RBM18: variants seen among roughly 807,000 people sequenced by gnomAD.
RBM18 encodes RNA binding motif protein 18.
In RBM18, 18 loss-of-function variants were observed where a neutral mutation model predicts 26.4. The ratio of observed to expected loss-of-function variants is 0.68; its 90% confidence interval spans 0.47 to 1.01. The LOEUF (loss-of-function observed/expected upper bound fraction) is 1.01. Ranked by LOEUF, RBM18 falls within the 50% of genes least tolerant of loss-of-function variation. The pLI, the probability that RBM18 is intolerant of heterozygous loss-of-function variation, is 0.00. For missense variants in RBM18, 180 were observed against 219.2 expected (o/e 0.82, Z 1.13); for synonymous variants, 74 against 81.1 (o/e 0.91, Z 0.47).
At chr9:122,250,647 T>C (rs1178628394) in intron 3 of RBM18, among the ~76,000 whole-genome samples, 1 of 152,286 alleles carries the variant, frequency 6.6e-6, no homozygotes, top group Non-Finnish European at 1.5e-5. Flanking sequence ...TGTGATTAAA[T>C]GGTAGAAAAA....
rs1428926382 is a variant in RBM18, at chr9:122,240,432, A to G, written c.*1452T>C. On this transcript the variant is annotated 3_prime_UTR_variant, in exon 6 of 6. Transcript: ENST00000417201. ...TTAAACCAGTTTTATGAATTCTAAA[A>G]CCTCCCTCTACTGAAGTTTTGATTC... The G allele has an allele frequency of 6.6e-6, 1 of 152,182 alleles. No homozygotes were observed. The highest frequency in any genetic ancestry group is 1.5e-5 in the Non-Finnish European group (1 of 68,024). The allele number at this position is 152,182 out of a possible 1,614,324, so 9.4% of individuals were successfully genotyped here.
At position 122,253,109 on chromosome 9, in the gene RBM18, T is replaced by C. The variant is rs117821464; in HGVS notation, c.114-1136A>G. 3.3e-4 allele frequency among the ~76,000 whole-genome samples: 50 copies of C among 152,318 alleles called. No homozygotes were observed. The East Asian group carries it at 9.3e-3, about 28-fold the overall frequency. On this transcript the variant is annotated intron_variant, in intron 2 of 5. Transcript: ENST00000417201. ...TCAGCCCACATGCTAAATCTGTTATTACTGGGAATTCTACCCCACAGGGAG... is the reference window on the plus strand; with the variant it reads ...TCAGCCCACATGCTAAATCTGTTATCACTGGGAATTCTACCCCACAGGGAG...
chr9:122,247,670 C>T, intron 3 of RBM18, 66 bp from the exon 4 acceptor site: 1 of 1,198,544 alleles, frequency 8.3e-7, no homozygotes, highest in South Asian at 1.2e-5. Context: ...TGTATTCTCA[C>T]AGGGCTTCAC....
At position 122,251,842 on chromosome 9, in the gene RBM18, A is replaced by C; in HGVS notation, c.240+5T>G. 1 of 1,613,362 alleles carries C rather than the reference A, an allele frequency of 6.2e-7. No homozygotes were observed. The highest frequency in any genetic ancestry group is 8.5e-7 in the Non-Finnish European group (1 of 1,179,368). ...TATTATAAAATGGGGAGAAAGCTTAATTACCTGCTTAGTTTCAAAGTTAAC... is the reference window on the plus strand; with the variant it reads ...TATTATAAAATGGGGAGAAAGCTTACTTACCTGCTTAGTTTCAAAGTTAAC... On this transcript the variant is annotated splice_donor_5th_base_variant and intron_variant, in intron 3 of 5. Coordinates refer to ENST00000417201, the MANE Select transcript of RBM18 (RefSeq NM_033117.4).
At chr9:122,252,094 C>T in intron 2 of RBM18, 121 bp from the exon 3 acceptor site, 2 of 1,274,286 alleles carry the variant, frequency 1.6e-6, no homozygotes, top group Non-Finnish European at 1.1e-6. Flanking sequence ...CCCCAGCCCC[C>T]TGCCTTCCTC....
chr9:122,248,482 G>A (rs954916808), intron 3 of RBM18, among the ~76,000 whole-genome samples: 5 of 152,254 alleles, frequency 3.3e-5, no homozygotes, highest in African/African-American at 1.2e-4. Flanking sequence ...TAAAGGGCAT[G>A]GGAGTCAAGG....
chr9:122,249,716 A>C (rs1421228811), intron 3 of RBM18, among the ~76,000 whole-genome samples: 2 of 151,832 alleles, frequency 1.3e-5, no homozygotes, highest in Non-Finnish European at 2.9e-5. Flanking sequence ...CTCAAAAAAA[A>C]AAACAACAAC....
intron 2 of RBM18, among the ~76,000 whole-genome samples, chr9:122,252,597 C>T (rs1031718249): frequency 6.6e-6 from 1 of 152,194 alleles, no homozygotes; most frequent in Non-Finnish European, 1.5e-5. Flanking sequence ...TGTGACTGAA[C>T]ATGAGGACAA....
chr9:122,244,183 G>A (rs7024398), intron 5 of RBM18, among the ~76,000 whole-genome samples: 135,862 of 152,156 alleles, frequency 0.89, 61,678 homozygotes, highest in East Asian at 1. Flanking sequence ...AATAACTATA[G>A]AATGAATTTA....
At chr9:122,255,002 G>C (rs550879634) in intron 2 of RBM18, among the ~76,000 whole-genome samples, 2 of 152,288 alleles carry the variant, frequency 1.3e-5, no homozygotes, top group Admixed American at 1.3e-4. Flanking sequence ...GAGTAGAGTG[G>C]GGGTAGCCAG....
chr9:122,249,583 C>A (rs921869281), intron 3 of RBM18, among the ~76,000 whole-genome samples: 1 of 151,648 alleles, frequency 6.6e-6, no homozygotes, highest in East Asian at 1.9e-4. Flanking sequence ...GTGGTGTGTG[C>A]CTGTGGTCCC....
chr9:122,256,680 T>C (rs1388877314), intron 2 of RBM18, among the ~76,000 whole-genome samples: 1 of 152,180 alleles, frequency 6.6e-6, no homozygotes, highest in Non-Finnish European at 1.5e-5. Flanking sequence ...AATTAGAATA[T>C]TTGTGCAAAA....
rs150794673 is a variant in RBM18, at chr9:122,241,969, G to A, written c.488C>T (p.Ala163Val). The A allele has an allele frequency of 5.0e-5, 80 of 1,614,046 alleles. No individual in the cohort carries two copies. The East Asian group carries it at 1.8e-3, about 36-fold the overall frequency. Residue 163 changes from alanine (A) to valine (V), a missense_variant, in exon 6 of 6, where the codon GCA (alanine) becomes GTA (valine). Physicochemically the swap from Ala to Val is moderately conservative, Grantham distance 64. Coordinates refer to ENST00000417201, the MANE Select transcript of RBM18 (RefSeq NM_033117.4). ...MAENPDAEYPAAPVYSYFKPP... is the reference protein window; with the variant it reads ...MAENPDAEYPVAPVYSYFKPP... ...CTTAAAGTAGGAATAAACAGGCGCTGCTGGATACTCTGCATCAGGATTTTC... is the reference window on the plus strand; with the variant it reads ...CTTAAAGTAGGAATAAACAGGCGCTACTGGATACTCTGCATCAGGATTTTC...
At chr9:122,244,414 C>T (rs1831472046) in intron 5 of RBM18, among the ~76,000 whole-genome samples, 1 of 152,084 alleles carries the variant, frequency 6.6e-6, no homozygotes, top group South Asian at 2.1e-4. Context: ...TATTTTCTTC[C>T]CCTGCCCCGG....
chr9:122,244,901 A>G (rs935674284), intron 5 of RBM18, among the ~76,000 whole-genome samples: 1 of 152,222 alleles, frequency 6.6e-6, no homozygotes, highest in Non-Finnish European at 1.5e-5. Flanking sequence ...AAGATTGGGG[A>G]AAAATTAGTA....
At chr9:122,247,899 C>T (rs1564455688) in intron 3 of RBM18, among the ~76,000 whole-genome samples, 1 of 151,822 alleles carries the variant, frequency 6.6e-6, no homozygotes, top group Non-Finnish European at 1.5e-5. Context: ...CTTCCCCTGC[C>T]TCAGCCTCCC....
chr9:122,256,879 C>A (rs577833446), intron 2 of RBM18, among the ~76,000 whole-genome samples: 3 of 152,234 alleles, frequency 2.0e-5, no homozygotes, highest in East Asian at 3.9e-4. Flanking sequence ...TTTAGCTGAA[C>A]ATTCTTATTC....
At chr9:122,252,902 C>A (rs985896383) in intron 2 of RBM18, among the ~76,000 whole-genome samples, 1 of 152,178 alleles carries the variant, frequency 6.6e-6, no homozygotes, top group South Asian at 2.1e-4. Context: ...ACAGATGTGG[C>A]CTTAACAGGT....
In RBM18 at chr9:122,241,951, T is replaced by C. The variant is rs747917276; in HGVS notation, c.506A>G (p.Tyr169Cys). 21 of 1,614,094 alleles carry C rather than the reference T, an allele frequency of 1.3e-5. No individual in the cohort carries two copies. The highest frequency in any genetic ancestry group is 1.8e-5 in the Non-Finnish European group (21 of 1,179,968). ...CCTTTTTTTATCTGGTGGCTTAAAG[T>C]AGGAATAAACAGGCGCTGCTGGATA... ...AEYPAAPVYS[Y>C]FKPPDKKRTT... Residue 169 changes from tyrosine (Y) to cysteine (C), a missense_variant, in exon 6 of 6, where the codon TAC becomes TGC. Physicochemically the swap from Tyr to Cys is radical, Grantham distance 194. This residue lies in a region of RBM18 where 103 missense variants were observed against 102.8 expected (regional missense o/e 1.00). Transcript: ENST00000417201.
Sources: allele counts gnomAD v4.1 joint callset (sites outside exome capture counted in the v4.1 genomes callset), GRCh38; gene constraint gnomAD v4.1.1; regional missense constraint gnomAD v4.1.1; transcripts MANE v1.5; gene names NCBI Gene and HGNC (gene_info 2026-07-23, HGNC 2026-07-21).